The following ZSWIM5 variants were observed in gnomAD, a reference collection of about 807,000 sequenced individuals.
ZSWIM5 encodes zinc finger SWIM-type containing 5, also known as zinc finger SWIM domain-containing protein 5.
Under a neutral mutation model 119.6 loss-of-function variants are expected in ZSWIM5, and 55 were observed. The observed-to-expected ratio is 0.46, with a 90% CI of 0.37 to 0.58. ZSWIM5 has a LOEUF of 0.58. Ranked by LOEUF, ZSWIM5 falls within the 20% of genes least tolerant of loss-of-function variation. The pLI is 0.00. For synonymous variants in ZSWIM5, 537 were observed against 606.9 expected, an observed-to-expected ratio of 0.88 and a Z score of 1.69; for missense variants, 1,193 against 1,512.8, an observed-to-expected ratio of 0.79 and a Z score of 3.51.
chr1:45,052,656 C>A (rs1645095932), intron 4 of ZSWIM5, among the ~76,000 whole-genome samples: 1 of 151,648 alleles, frequency 6.6e-6, no homozygotes, highest in Non-Finnish European at 1.5e-5. Context: ...CCAGCTGGTC[C>A]CAGCTACTCA....
At chr1:45,190,558 A>G (rs529072019) in intron 1 of ZSWIM5, among the ~76,000 whole-genome samples, 7 of 152,178 alleles carry the variant, frequency 4.6e-5, no homozygotes, top group Non-Finnish European at 7.3e-5. Context: ...AATTTACTCT[A>G]CGAAATGAAT....
rs144585948 is a variant in ZSWIM5 at position 45,085,332 on chromosome 1, T to C, written c.952+2549A>G. Among the ~76,000 whole-genome samples the C allele has an allele frequency of 2.4e-4, 37 of 152,276 alleles. No individual in the cohort carries two copies. The East Asian group carries it at 7.1e-3, about 29-fold the overall frequency. On this transcript the variant is annotated intron_variant, in intron 2 of 13. Transcript: ENST00000359600. ...GGGCCTGTGATGGGAGGGGCTGCCATGAAGGTGTCTGAAATGCTTTTGAGA... is the reference window on the plus strand; with the variant it reads ...GGGCCTGTGATGGGAGGGGCTGCCACGAAGGTGTCTGAAATGCTTTTGAGA...
intron 1 of ZSWIM5, among the ~76,000 whole-genome samples, chr1:45,134,037 G>A (rs1165510978): frequency 6.6e-6 from 1 of 152,150 alleles, no homozygotes; most frequent in South Asian, 2.1e-4. Context: ...TTTGAAGTCA[G>A]GTAGCATGAT....
Position 45,016,732 on chromosome 1 carries a change from G to A in ZSWIM5, c.*1722C>T, listed in dbSNP as rs1272971807. 1.3e-5 allele frequency: 2 copies of A among 152,178 alleles called. No homozygotes were observed. Among genetic ancestry groups the A allele is most frequent in the African/African-American group, 2.4e-5 (1 of 41,416 alleles). The allele number at this position is 152,178 out of a possible 1,614,324, so 9.4% of individuals were successfully genotyped here. A position where few individuals can be genotyped will look rare whatever the true frequency, so the allele number is the denominator to read the frequency against. ...CCTATCAAACCCCACCCCCAACTCA[G>A]GAACTAAGACATGAAACAGTAAACA... On this transcript the variant is annotated 3_prime_UTR_variant, in exon 14 of 14. Coordinates refer to ENST00000359600, the MANE Select transcript of ZSWIM5 (RefSeq NM_020883.2).
At chr1:45,068,722 G>A (rs1557755076) in intron 2 of ZSWIM5, among the ~76,000 whole-genome samples, 1 of 146,136 alleles carries the variant, frequency 6.8e-6, no homozygotes, top group Non-Finnish European at 1.5e-5. Flanking sequence ...ATCGCTTATT[G>A]AAAAGATTAT....
chr1:45,137,808 ATTTGGCT>A (rs1439944335), intron 1 of ZSWIM5, among the ~76,000 whole-genome samples: 1 of 152,162 alleles, frequency 6.6e-6, no homozygotes, highest in Non-Finnish European at 1.5e-5. Flanking sequence ...ATTGTATGGA[ATTTGGCT>A]TTCACTCTAA....
chr1:45,038,619 T>TTTTTTTTTTTTTTTG (rs1644999989), intron 8 of ZSWIM5, among the ~76,000 whole-genome samples: 1 of 138,018 alleles, frequency 7.2e-6, no homozygotes, highest in East Asian at 2.1e-4. Context: ...TTTTTTTTTT[T>TTTTTTTTTTTTTTTG]TTAATGAAAC....
At chr1:45,178,145 G>A (rs907738628) in intron 1 of ZSWIM5, among the ~76,000 whole-genome samples, 9 of 152,060 alleles carry the variant, frequency 5.9e-5, no homozygotes, top group South Asian at 2.1e-4. Context: ...GACAAATGGC[G>A]CCGGGCACAG....
At chr1:45,124,041 C>G (rs1645607211) in intron 1 of ZSWIM5, among the ~76,000 whole-genome samples, 1 of 151,984 alleles carries the variant, frequency 6.6e-6, no homozygotes, top group South Asian at 2.1e-4. Context: ...AACAAAAACC[C>G]TTCAGAAATG....
At chr1:45,026,420 T>A (rs962712044) in intron 11 of ZSWIM5, among the ~76,000 whole-genome samples, 40 of 151,144 alleles carry the variant, frequency 2.6e-4, no homozygotes, top group Non-Finnish European at 4.7e-4. Context: ...TTTTTTTTTT[T>A]AAATTATGAA....
At chr1:45,117,305 A>G (rs1645564130) in intron 1 of ZSWIM5, among the ~76,000 whole-genome samples, 1 of 152,192 alleles carries the variant, frequency 6.6e-6, no homozygotes, top group Non-Finnish European at 1.5e-5. Context: ...TCATTATCAG[A>G]TCATTCAGAA....
chr1:45,090,489 T>G (rs1196970381), intron 1 of ZSWIM5, among the ~76,000 whole-genome samples: 4 of 152,028 alleles, frequency 2.6e-5, no homozygotes, highest in Admixed American at 1.3e-4. Context: ...ATGGCTCAGG[T>G]GCTGTAATCC....
At chr1:45,040,369 T>G (rs1036014085) in intron 7 of ZSWIM5, 23 bp downstream of exon 7, 6 of 1,585,926 alleles carry the variant, frequency 3.8e-6, no homozygotes, top group African/African-American at 2.7e-5. Context: ...CTAAGGGGGT[T>G]AGATGGCTCC....
intron 1 of ZSWIM5, among the ~76,000 whole-genome samples, chr1:45,102,553 G>A (rs1169642713): frequency 6.6e-6 from 1 of 152,142 alleles, no homozygotes; most frequent in African/African-American, 2.4e-5. Flanking sequence ...CTTGAATAAG[G>A]GAGTTATGTA....
intron 2 of ZSWIM5, among the ~76,000 whole-genome samples, chr1:45,068,868 G>T (rs1239683256): frequency 1.7e-5 from 2 of 117,726 alleles, no homozygotes; most frequent in Non-Finnish European, 3.2e-5. Flanking sequence ...TGGTGCCATT[G>T]TAGCTTGCTG....
intron 1 of ZSWIM5, among the ~76,000 whole-genome samples, chr1:45,182,343 G>A (rs1210404766): frequency 6.6e-6 from 1 of 151,374 alleles, no homozygotes; most frequent in Non-Finnish European, 1.5e-5. Context: ...GGCGGAGCTT[G>A]CAGTGAGCGG....
intron 5 of ZSWIM5, among the ~76,000 whole-genome samples, chr1:45,049,031 T>A (rs377574154): frequency 6.4e-4 from 98 of 152,214 alleles, no homozygotes; most frequent in Middle Eastern, 6.8e-3. Flanking sequence ...CTCGGGAGGC[T>A]GAGATGGGAG....
At chr1:45,117,535 T>C (rs1242096616) in intron 1 of ZSWIM5, among the ~76,000 whole-genome samples, 2 of 152,106 alleles carry the variant, frequency 1.3e-5, no homozygotes, top group Non-Finnish European at 2.9e-5. Flanking sequence ...TAGCCAGGCA[T>C]GATAGTACAT....
intron 2 of ZSWIM5, among the ~76,000 whole-genome samples, chr1:45,070,660 TTG>T (rs1419233055): frequency 1.3e-5 from 2 of 152,252 alleles, no homozygotes; most frequent in Non-Finnish European, 2.9e-5. Context: ...TTCCCCCAAA[TTG>T]TCTTTCCATG....
Sources: allele counts gnomAD v4.1 joint callset (sites outside exome capture counted in the v4.1 genomes callset), GRCh38; gene constraint gnomAD v4.1.1; transcripts MANE v1.5; gene names NCBI Gene and HGNC (gene_info 2026-07-23, HGNC 2026-07-21).